ARHGAP32: variants seen among roughly 807,000 people sequenced by gnomAD.
The protein encoded by ARHGAP32 is Rho GTPase activating protein 32.
In ARHGAP32, 51 loss-of-function variants were observed where a neutral mutation model predicts 186.5. The ratio of observed to expected loss-of-function variants is 0.27; its 90% CI spans 0.22 to 0.35. The LOEUF (loss-of-function observed/expected upper bound fraction) is 0.35. Ranked by LOEUF, ARHGAP32 falls within the 10% of genes least tolerant of loss-of-function variation. The probability of loss-of-function intolerance (pLI) is 1.00; values close to 1 mark genes in which losing one functional copy is unlikely to be tolerated. For synonymous variants in ARHGAP32, 950 were observed against 964.3 expected (o/e 0.99, Z 0.27); for missense variants, 2,186 against 2,623.5 (o/e 0.83, Z 3.64).
intron 2 of ARHGAP32, chr11:129,126,093 T>C: frequency 7.5e-6 from 2 of 267,892 alleles, no homozygotes; most frequent in Middle Eastern, 9.6e-4. Context: ...TTATACCCTA[T>C]CATACTAGAA....
chr11:129,093,605 A>G lies in ARHGAP32; in HGVS notation c.531+16T>C, dbSNP rs970233495. On this transcript the variant is annotated intron_variant, in intron 6 of 22. Transcript: ENST00000682385. ...CTTAACTTCATATGAAATGGAGAAT[A>G]CATTCACAAAATCACCTGACAAGCA... 16 of 1,568,276 alleles carry G rather than the reference A, an allele frequency of 1.0e-5. No homozygotes were observed. The highest frequency in any genetic ancestry group is 1.4e-5 in the Non-Finnish European group (16 of 1,145,472).
intron 11 of ARHGAP32, among the ~76,000 whole-genome samples, chr11:129,031,164 T>C (rs1423193413): frequency 1.3e-5 from 2 of 152,216 alleles, no homozygotes; most frequent in African/African-American, 4.8e-5. Flanking sequence ...GGCATGTAGA[T>C]TTATATCAAT....
intron 1 of ARHGAP32, among the ~76,000 whole-genome samples, chr11:129,274,018 C>A (rs1416654162): frequency 3.5e-5 from 5 of 142,362 alleles, no homozygotes; most frequent in Non-Finnish European, 4.6e-5. Flanking sequence ...TAGCCGGAAG[C>A]AAAAAAAAAA....
intron 2 of ARHGAP32, among the ~76,000 whole-genome samples, chr11:129,149,396 C>A (rs1338144879): frequency 6.6e-6 from 1 of 152,174 alleles, no homozygotes; most frequent in Non-Finnish European, 1.5e-5. Flanking sequence ...ACTCCCCTGC[C>A]ACCTCCATCC....
chr11:129,066,700 TA>T lies in ARHGAP32; in HGVS notation c.669+30del, dbSNP rs758040934. 94 of 1,598,158 alleles carry T rather than the reference TA, an allele frequency of 5.9e-5. No individual in the cohort carries two copies. In the African/African-American group the frequency reaches 1.0e-3, roughly 18 times the overall value. On this transcript the variant is annotated intron_variant, in intron 7 of 22. Transcript: ENST00000682385. ...CTTCTGCAAACTCATATATAGTGATTACCTCTGTACTAAATGTACTAAATGC... is the reference window on the plus strand; with the variant it reads ...CTTCTGCAAACTCATATATAGTGATTCCTCTGTACTAAATGTACTAAATGC...
chr11:129,126,950 A>C (rs1201216544), intron 2 of ARHGAP32, among the ~76,000 whole-genome samples: 1 of 152,202 alleles, frequency 6.6e-6, no homozygotes, highest in African/African-American at 2.4e-5. Flanking sequence ...AAAATTTCTA[A>C]TAAAGTGGCT....
chr11:129,125,715 T>C (rs750757139), intron 2 of ARHGAP32, among the ~76,000 whole-genome samples: 1 of 151,818 alleles, frequency 6.6e-6, no homozygotes, highest in Admixed American at 6.6e-5. Context: ...TTCAAAGATA[T>C]GAGGTAACAA....
At chr11:129,044,745 A>C (rs1939739235) in intron 10 of ARHGAP32, among the ~76,000 whole-genome samples, 1 of 152,162 alleles carries the variant, frequency 6.6e-6, no homozygotes, top group African/African-American at 2.4e-5. Context: ...TCACCCATTT[A>C]CTAGGTTCTG....
At chr11:129,059,622 C>T (rs1940408811) in intron 10 of ARHGAP32, among the ~76,000 whole-genome samples, 1 of 151,088 alleles carries the variant, frequency 6.6e-6, no homozygotes, top group Non-Finnish European at 1.5e-5. Context: ...GCCTCAGCCT[C>T]CCAAGCAGCT....
At position 128,967,222 on chromosome 11, in the gene ARHGAP32, A is replaced by AATCCT. The variant is rs1945241326; in HGVS notation, c.*1680_*1684dup. On this transcript the variant is annotated 3_prime_UTR_variant, in exon 23 of 23. Coordinates refer to ENST00000682385, the MANE Select transcript of ARHGAP32 (RefSeq NM_001378024.1). ...ATTTTTTAAAATAAAAACTGGCATGAATCCTAATCTTTATACAATTTCACA... is the reference window on the plus strand; with the variant it reads ...ATTTTTTAAAATAAAAACTGGCATGAATCCTATCCTAATCTTTATACAATTTCACA... 1 of 152,250 alleles carries AATCCT rather than the reference A, an allele frequency of 6.6e-6. No homozygotes were observed. The highest frequency in any genetic ancestry group is 1.5e-5 in the Non-Finnish European group (1 of 68,044). The allele number at this position is 152,250 out of a possible 1,614,324, so 9.4% of individuals were successfully genotyped here.
chr11:129,063,050 T>C (rs1447098780), intron 9 of ARHGAP32, among the ~76,000 whole-genome samples: 2 of 152,144 alleles, frequency 1.3e-5, no homozygotes, highest in Admixed American at 1.3e-4. Flanking sequence ...AGTTATATTC[T>C]TCAATCAAAA....
intron 18 of ARHGAP32, 145 bp from the exon 19 acceptor site, chr11:128,979,060 GCA>G (rs1945634264): frequency 1.5e-6 from 1 of 670,808 alleles, no homozygotes; most frequent in African/African-American, 1.9e-5. Context: ...CTTCCAGACA[GCA>G]CACTCTACAC....
At chr11:129,224,425 C>T (rs909218614) in intron 1 of ARHGAP32, among the ~76,000 whole-genome samples, 3 of 152,108 alleles carry the variant, frequency 2.0e-5, no homozygotes, top group Admixed American at 6.6e-5. Flanking sequence ...TCTGAAAATT[C>T]TCTCCTTAAC....
intron 11 of ARHGAP32, among the ~76,000 whole-genome samples, chr11:129,010,900 T>C (rs1938045839): frequency 6.6e-6 from 1 of 152,214 alleles, no homozygotes; most frequent in Non-Finnish European, 1.5e-5. Flanking sequence ...ATTTGGTAAC[T>C]GCATATGATG....
At chr11:129,277,941 G>C (rs191985772) in intron 1 of ARHGAP32, among the ~76,000 whole-genome samples, 118 of 152,312 alleles carry the variant, frequency 7.7e-4, no homozygotes, top group Non-Finnish European at 1.2e-3. Context: ...TATCCAATAA[G>C]GAAGGATATA....
chr11:128,994,841 G>A (rs1298230812), intron 12 of ARHGAP32, among the ~76,000 whole-genome samples: 1 of 152,064 alleles, frequency 6.6e-6, no homozygotes, highest in African/African-American at 2.4e-5. Context: ...CAACCCTGAT[G>A]AAACAGGAAA....
chr11:129,051,635 A>T (rs1157988360), intron 10 of ARHGAP32, among the ~76,000 whole-genome samples: 1 of 151,390 alleles, frequency 6.6e-6, no homozygotes, highest in African/African-American at 2.4e-5. Context: ...TTTCTTCTTG[A>T]AGTTTTACAG....
intron 2 of ARHGAP32, among the ~76,000 whole-genome samples, chr11:129,131,463 TATA>T (rs1422036323): frequency 6.6e-6 from 1 of 152,222 alleles, no homozygotes; most frequent in African/African-American, 2.4e-5. Context: ...ACACTCATTT[TATA>T]ATACCAGTTA....
intron 12 of ARHGAP32, among the ~76,000 whole-genome samples, chr11:128,996,843 G>A (rs1042584764): frequency 3.3e-5 from 5 of 151,794 alleles, no homozygotes; most frequent in African/African-American, 9.7e-5. Flanking sequence ...GTGCAGTGGC[G>A]TGAAATCAGC....
Sources: allele counts gnomAD v4.1 joint callset (sites outside exome capture counted in the v4.1 genomes callset), GRCh38; gene constraint gnomAD v4.1.1; transcripts MANE v1.5; gene names NCBI Gene and HGNC (gene_info 2026-07-23, HGNC 2026-07-21).